TLN2: variants seen among roughly 807,000 people sequenced by gnomAD.
TLN2 encodes talin 2.
Under a neutral mutation model 294.7 loss-of-function variants are expected in TLN2, and 118 were observed. That is an observed-to-expected ratio of 0.40 (90% CI 0.34 to 0.47). The LOEUF (loss-of-function observed/expected upper bound fraction) is 0.47, where lower values mean the gene tolerates loss of function less well. Among genes scored for constraint, TLN2 ranks in the 20% least tolerant of loss-of-function variants. The pLI is 0.84. For synonymous variants in TLN2, 1,431 were observed against 1,304.5 expected, an observed-to-expected ratio of 1.10 and a Z score of -2.09; for missense variants, 3,083 against 3,282.2, an observed-to-expected ratio of 0.94 and a Z score of 1.48.
intron 1 of TLN2, among the ~76,000 whole-genome samples, chr15:62,504,540 A>C (rs1408182565): frequency 6.6e-6 from 1 of 152,162 alleles, no homozygotes; most frequent in African/African-American, 2.4e-5. Context: ...TGATCAATGG[A>C]TTTTCATCAA....
chr15:62,598,440 A>G (rs963612964), intron 2 of TLN2, among the ~76,000 whole-genome samples: 1 of 151,990 alleles, frequency 6.6e-6, no homozygotes, highest in Non-Finnish European at 1.5e-5. Flanking sequence ...GGTGTGCCTT[A>G]TGGCCAGGAG....
intron 1 of TLN2, among the ~76,000 whole-genome samples, chr15:62,438,958 T>C (rs762088527): frequency 7.2e-5 from 11 of 152,232 alleles, no homozygotes; most frequent in Non-Finnish European, 7.3e-5. Context: ...GATTTAACAA[T>C]ACGGTTGTGA....
At position 62,722,393 on chromosome 15, in the gene TLN2, C is replaced by T. The variant is rs1178057458; in HGVS notation, c.3032C>T (p.Pro1011Leu). 29 of 1,613,138 alleles carry T rather than the reference C, an allele frequency of 1.8e-5. No homozygotes were observed. Among genetic ancestry groups the T allele is most frequent in the Non-Finnish European group, 2.5e-5 (29 of 1,179,484 alleles). ...GTGTCCTCTGCCAAAGCCGCAGTGC[C>T]CACCGTGAGTGACCAGGCCGCAGCC... ...KMVSSAKAAV[P>L]TVSDQAAAMQ... Residue 1011 changes from proline to leucine, a missense_variant, in exon 26 of 59, where the codon CCC becomes CTC. Coordinates refer to ENST00000636159, the MANE Select transcript of TLN2 (RefSeq NM_015059.3).
intron 1 of TLN2, among the ~76,000 whole-genome samples, chr15:62,588,464 C>T (rs996091511): frequency 3.3e-5 from 5 of 150,746 alleles, no homozygotes; most frequent in African/African-American, 7.3e-5. Context: ...AGTAAAACCC[C>T]GTCTCTACTA....
intron 40 of TLN2, 36 bp downstream of exon 40, chr15:62,763,731 C>G (rs1204566508): frequency 1.9e-6 from 3 of 1,548,824 alleles, no homozygotes; most frequent in Non-Finnish European, 2.6e-6. Context: ...TTAGTCGCCT[C>G]TAGATATGTT....
rs1005393934 is a variant in TLN2, at chr15:62,843,551, G to A, written c.*2941G>A. ...TGCCCAGCCTGCAGTCTATGCACGG[G>A]CCTTAAGAAATGAGCTGCCTGTAGC... is the stretch of plus-strand genomic sequence containing the variant. On this transcript the variant is annotated 3_prime_UTR_variant, in exon 59 of 59. Coordinates refer to ENST00000636159, the MANE Select transcript of TLN2 (RefSeq NM_015059.3). 6.6e-6 allele frequency: 1 copy of A among 152,220 alleles called. No homozygotes were observed. The highest frequency in any genetic ancestry group is 2.1e-4 in the South Asian group (1 of 4,824). The allele number at this position is 152,220 out of a possible 1,614,324, so 9.4% of individuals were successfully genotyped here.
At chr15:62,460,898 A>G (rs1172775612) in intron 1 of TLN2, among the ~76,000 whole-genome samples, 2 of 151,966 alleles carry the variant, frequency 1.3e-5, no homozygotes, top group Non-Finnish European at 2.9e-5. Flanking sequence ...CCGCCTTCCC[A>G]CAGTCATAAT....
intron 19 of TLN2, among the ~76,000 whole-genome samples, chr15:62,706,302 C>G (rs1404851544): frequency 6.6e-6 from 1 of 152,246 alleles, no homozygotes; most frequent in Non-Finnish European, 1.5e-5. Flanking sequence ...GGTGACAAAT[C>G]TGGTAGGCTC....
chr15:62,839,746 C>T (rs1222907843), intron 58 of TLN2, among the ~76,000 whole-genome samples: 2 of 152,214 alleles, frequency 1.3e-5, no homozygotes, highest in Middle Eastern at 3.2e-3. Flanking sequence ...TGGCTATGCA[C>T]TGCATGTATT....
intron 1 of TLN2, among the ~76,000 whole-genome samples, chr15:62,481,761 T>G (rs570896965): frequency 6.6e-6 from 1 of 151,950 alleles, no homozygotes; most frequent in South Asian, 2.1e-4. Flanking sequence ...TTATCCCATA[T>G]TTAAAGACTA....
chr15:62,429,131 T>TGGGGGGGGTGG (rs1421790915), intron 1 of TLN2, among the ~76,000 whole-genome samples: 4 of 138,646 alleles, frequency 2.9e-5, no homozygotes, highest in Non-Finnish European at 6.2e-5. Context: ...TGGCGGGGGT[T>TGGGGGGGGTGG]GGGGGGGTAG....
chr15:62,463,618 C>T (rs1027695293), intron 1 of TLN2, among the ~76,000 whole-genome samples: 3 of 152,148 alleles, frequency 2.0e-5, no homozygotes, highest in Non-Finnish European at 4.4e-5. Context: ...CGGCGCGGTG[C>T]CTCACGCCTG....
chr15:62,469,929 T>G (rs978115385), intron 1 of TLN2, among the ~76,000 whole-genome samples: 11 of 151,714 alleles, frequency 7.3e-5, no homozygotes, highest in African/African-American at 2.7e-4. Flanking sequence ...TGCGTGTGGG[T>G]GTGTGTTTGT....
intron 1 of TLN2, among the ~76,000 whole-genome samples, chr15:62,430,311 T>C (rs1241081018): frequency 1.3e-5 from 2 of 152,208 alleles, no homozygotes; most frequent in Non-Finnish European, 1.5e-5. Flanking sequence ...TTGGAAATAG[T>C]GTATCTGTCT....
intron 48 of TLN2, among the ~76,000 whole-genome samples, chr15:62,797,842 C>T (rs1403146764): frequency 6.6e-6 from 1 of 152,126 alleles, no homozygotes; most frequent in African/African-American, 2.4e-5. Flanking sequence ...TGCCCAGGCA[C>T]GGGGCTGTGG....
At chr15:62,553,660 CATAAAA>C (rs1369304687) in intron 1 of TLN2, among the ~76,000 whole-genome samples, 5 of 152,064 alleles carry the variant, frequency 3.3e-5, no homozygotes, top group Non-Finnish European at 7.4e-5. Flanking sequence ...AGAAAATGCA[CATAAAA>C]ATAAATGAAT....
intron 2 of TLN2, among the ~76,000 whole-genome samples, chr15:62,608,655 A>C (rs2047651573): frequency 6.6e-6 from 1 of 152,192 alleles, no homozygotes; most frequent in Admixed American, 6.5e-5. Flanking sequence ...TTGGGAAGAC[A>C]CGGGGACAAG....
intron 1 of TLN2, among the ~76,000 whole-genome samples, chr15:62,497,046 G>A (rs2039051627): frequency 6.6e-6 from 1 of 152,124 alleles, no homozygotes; most frequent in South Asian, 2.1e-4. Flanking sequence ...CCTTACATGT[G>A]TGACTGTGAT....
intron 1 of TLN2, among the ~76,000 whole-genome samples, chr15:62,572,177 T>C (rs1405088654): frequency 6.6e-6 from 1 of 152,202 alleles, no homozygotes. Context: ...GTGTCCTGAA[T>C]TGCTTGACAG....
Sources: gnomAD v4.1 joint callset for allele counts (sites outside exome capture counted in the v4.1 genomes callset) on GRCh38, gnomAD v4.1.1 for gene constraint, MANE v1.5 for transcripts, NCBI Gene and HGNC (gene_info 2026-07-23, HGNC 2026-07-21) for gene names.